The following KIAA1217 variants were observed in gnomAD, a reference collection of about 807,000 sequenced individuals.
The protein encoded by KIAA1217 is sickle tail protein homolog.
KIAA1217 carries 88 observed loss-of-function variants against 163.9 expected under a neutral mutation model. The observed-to-expected ratio is 0.54, with a 90% CI of 0.45 to 0.64. KIAA1217 has a LOEUF of 0.64. Ranked by LOEUF, KIAA1217 falls within the 30% of genes least tolerant of loss-of-function variation. KIAA1217 has a pLI of 0.00. For missense variants in KIAA1217, 2,372 were observed against 2,475.0 expected (o/e 0.96, Z 0.88); for synonymous variants, 903 against 923.1 (o/e 0.98, Z 0.39).
intron 2 of KIAA1217, among the ~76,000 whole-genome samples, chr10:24,082,461 G>A (rs2061569491): frequency 6.6e-6 from 1 of 151,980 alleles, no homozygotes; most frequent in Non-Finnish European, 1.5e-5. Flanking sequence ...GTGTTCTCGT[G>A]TTCAGCTCCC....
In KIAA1217 at chr10:24,381,047, A is replaced by T; in HGVS notation, c.533A>T (p.Gln178Leu). 6.4e-7 allele frequency: 1 copy of T among 1,571,350 alleles called. No individual in the cohort carries two copies. The highest frequency in any genetic ancestry group is 8.6e-7 in the Non-Finnish European group (1 of 1,158,212). Reference sequence around the variant, plus strand: ...CTTCCTGTGGTGAGGTCAACCAACCAGACGAAAGAAAGATCTCTGGGTAAG... The same window carrying T: ...CTTCCTGTGGTGAGGTCAACCAACCTGACGAAAGAAAGATCTCTGGGTAAG... The part of the protein sequence containing the change: ...ASLPVVRSTN[Q>L]TKERSLGVLY... Residue 178 changes from glutamine to leucine, a missense_variant, in exon 3 of 21, where the codon CAG (glutamine) becomes CTG (leucine). Physicochemically the swap from Gln to Leu is moderately radical, Grantham distance 113. Coordinates refer to ENST00000376454, the MANE Select transcript of KIAA1217 (RefSeq NM_019590.5).
chr10:24,301,454 T>C (rs1564432083), intron 2 of KIAA1217, among the ~76,000 whole-genome samples: 1 of 152,160 alleles, frequency 6.6e-6, no homozygotes, highest in Non-Finnish European at 1.5e-5. Context: ...AAAACTGAAA[T>C]TTAATTGCAG....
At chr10:24,030,202 T>C (rs1173005751) in intron 2 of KIAA1217, among the ~76,000 whole-genome samples, 2 of 152,230 alleles carry the variant, frequency 1.3e-5, no homozygotes, top group Non-Finnish European at 2.9e-5. Flanking sequence ...TCTATGGCAT[T>C]ATGTGTATTC....
chr10:24,392,264 C>T (rs1267254086), intron 3 of KIAA1217, among the ~76,000 whole-genome samples: 1 of 152,016 alleles, frequency 6.6e-6, no homozygotes, highest in African/African-American at 2.4e-5. Context: ...AGTTTTAAGG[C>T]ATTATCTTCC....
At chr10:24,143,558 C>T (rs562226153) in intron 2 of KIAA1217, among the ~76,000 whole-genome samples, 17 of 152,246 alleles carry the variant, frequency 1.1e-4, no homozygotes, top group African/African-American at 3.4e-4. Context: ...CTACCAGGCC[C>T]GACCTAGTAT....
At chr10:24,143,647 A>G (rs1201275332) in intron 2 of KIAA1217, among the ~76,000 whole-genome samples, 1 of 152,030 alleles carries the variant, frequency 6.6e-6, no homozygotes, top group East Asian at 1.9e-4. Context: ...TTGTGCTGCT[A>G]TACTTATTAT....
At chr10:23,982,624 C>T (rs1252731608) in intron 1 of KIAA1217, among the ~76,000 whole-genome samples, 10 of 144,770 alleles carry the variant, frequency 6.9e-5, no homozygotes, top group South Asian at 2.2e-4. Context: ...AGTGCAATGG[C>T]GTGGTCTCGG....
At chr10:24,073,082 GA>G (rs1384821698) in intron 2 of KIAA1217, among the ~76,000 whole-genome samples, 1 of 150,560 alleles carries the variant, frequency 6.6e-6, no homozygotes, top group Admixed American at 6.6e-5. Flanking sequence ...AAGAAAGAAA[GA>G]AAGAAAGAAG....
rs2063726015 is a variant in KIAA1217 at position 24,473,396 on chromosome 10, G to A, written c.1015G>A (p.Val339Ile). 6.2e-7 allele frequency: 1 copy of A among 1,613,774 alleles called. No individual in the cohort carries two copies. Among genetic ancestry groups the A allele is most frequent in the Non-Finnish European group, 8.5e-7 (1 of 1,179,858 alleles). ...RIPYGGTRSMVVPGNATIPRD... is the reference protein window; with the variant it reads ...RIPYGGTRSMIVPGNATIPRD... The stretch of plus-strand genomic sequence containing the variant: ...TCCTTATGGGGGCACCCGCTCCATG[G>A]TTGTTCCTGGCAATGCCACCATCCC... The change falls in exon 6 of 21, where the codon GTT becomes ATT. Residue 339 changes from valine (V) to isoleucine (I), a missense_variant. Transcript: ENST00000376454.
intron 1 of KIAA1217, among the ~76,000 whole-genome samples, chr10:23,770,276 A>C (rs1834735121): frequency 6.6e-6 from 1 of 152,220 alleles, no homozygotes; most frequent in Non-Finnish European, 1.5e-5. Context: ...TACACCAGAC[A>C]CTGTCCTAAA....
At chr10:24,360,732 G>A (rs569601214) in intron 2 of KIAA1217, among the ~76,000 whole-genome samples, 4 of 152,108 alleles carry the variant, frequency 2.6e-5, no homozygotes, top group South Asian at 2.1e-4. Flanking sequence ...AACTCGAAAC[G>A]TAATCAACGT....
chr10:24,222,618 C>A (rs557251526), intron 2 of KIAA1217, among the ~76,000 whole-genome samples: 2 of 152,152 alleles, frequency 1.3e-5, no homozygotes, highest in Non-Finnish European at 2.9e-5. Flanking sequence ...TCAAGTAATT[C>A]TCTTGCCTCA....
intron 17 of KIAA1217, among the ~76,000 whole-genome samples, chr10:24,539,201 T>C (rs1361738902): frequency 4.6e-5 from 7 of 152,110 alleles, no homozygotes; most frequent in African/African-American, 1.4e-4. Context: ...GAGACCATTA[T>C]TGTCTCATTG....
intron 1 of KIAA1217, among the ~76,000 whole-genome samples, chr10:23,968,532 G>A (rs969641730): frequency 1.3e-5 from 2 of 152,100 alleles, no homozygotes; most frequent in Non-Finnish European, 2.9e-5. Flanking sequence ...ACAGTGTGGT[G>A]GTATTTAGTC....
chr10:24,454,901 C>T (rs1165381302), intron 5 of KIAA1217, among the ~76,000 whole-genome samples: 1 of 151,486 alleles, frequency 6.6e-6, no homozygotes, highest in African/African-American at 2.4e-5. Flanking sequence ...ACACAACTCG[C>T]TCACCAGATA....
chr10:23,885,123 TG>T (rs533326269), intron 1 of KIAA1217, among the ~76,000 whole-genome samples: 58 of 152,140 alleles, frequency 3.8e-4, no homozygotes, highest in African/African-American at 1.4e-3. Flanking sequence ...TAGTTCACAG[TG>T]TACTATTAAA....
rs1235240670 is a variant in KIAA1217 at position 24,513,289 on chromosome 10, A to G, written c.2032A>G (p.Met678Val). 6.2e-7 allele frequency: 1 copy of G among 1,614,188 alleles called. No individual in the cohort carries two copies. Among genetic ancestry groups the G allele is most frequent in the Non-Finnish European group, 8.5e-7 (1 of 1,180,016 alleles). The change falls in exon 10 of 21, where the codon ATG becomes GTG. Residue 678 changes from methionine to valine, a missense_variant. By Grantham distance (21) the Met-to-Val change is conservative (BLOSUM62 1). Around this residue, in one of 3 missense-constraint regions of KIAA1217, gnomAD observed 1,431 missense variants for 1,470.3 expected, o/e 0.97. Transcript: ENST00000376454. ...LQNQELLRAM[M>V]KKAELEISGK... ...GAACCAGGAGTTGCTGAGGGCAATG[A>G]TGAAGAAGGCCGAGCTGGAAATCAG...
chr10:24,116,722 A>G (rs919099717), intron 2 of KIAA1217, among the ~76,000 whole-genome samples: 7 of 152,092 alleles, frequency 4.6e-5, no homozygotes, highest in African/African-American at 1.7e-4. Flanking sequence ...CACACAATTT[A>G]CACATCTTCT....
rs180777518 is a variant in KIAA1217 at position 24,130,134 on chromosome 10, A to G, written c.-170-89492A>G. Among the ~76,000 whole-genome samples the G allele has an allele frequency of 3.7e-3, 569 of 152,214 alleles. 9 individuals are homozygous for G. The highest frequency in any genetic ancestry group is 3.5e-3 in the Non-Finnish European group (239 of 68,026). Reference sequence around the variant, plus strand: ...GTACAAGTTATAACTCAACCTTTCAATGAAAACTTCCTAGATTGGGCTATT... The same window carrying G: ...GTACAAGTTATAACTCAACCTTTCAGTGAAAACTTCCTAGATTGGGCTATT... On this transcript the variant is annotated intron_variant, in intron 2 of 18. Transcript: ENST00000376462.
Sources: allele counts gnomAD v4.1 joint callset (sites outside exome capture counted in the v4.1 genomes callset), GRCh38; gene constraint gnomAD v4.1.1; regional missense constraint gnomAD v4.1.1; transcripts MANE v1.5; gene names NCBI Gene and HGNC (gene_info 2026-07-23, HGNC 2026-07-21).